MNDA: variants seen among roughly 807,000 people sequenced by gnomAD.
The protein encoded by MNDA is epididymis secretory sperm binding protein.
MNDA carries 43 observed loss-of-function variants against 37.8 expected under a neutral mutation model. The observed-to-expected ratio is 1.14, with a 90% CI of 0.89 to 1.47. MNDA has a LOEUF of 1.47. Among genes scored for constraint, MNDA ranks in the 40% most tolerant of loss-of-function variants. The pLI is 0.00. For missense variants in MNDA, 536 were observed against 476.0 expected, an observed-to-expected ratio of 1.13 and a Z score of -1.17; for synonymous variants, 181 against 169.0, an observed-to-expected ratio of 1.07 and a Z score of -0.55.
intron 3 of MNDA, 38 bp from the exon 4 acceptor site, chr1:158,843,917 A>G (rs762614658): frequency 6.5e-7 from 1 of 1,527,220 alleles, no homozygotes; most frequent in South Asian, 1.3e-5. Context: ...TTCTTTTGAT[A>G]CTAAACTCCA....
In MNDA at chr1:158,847,796, G is replaced by T. The variant is rs199830311; in HGVS notation, c.1056G>T (p.Gly352=). 5.6e-6 allele frequency: 9 copies of T among 1,613,956 alleles called. No individual in the cohort carries two copies. Among genetic ancestry groups the T allele is most frequent in the Non-Finnish European group, 1.7e-6 (2 of 1,179,930 alleles). Residue 352 remains glycine (G), a synonymous_variant, in exon 6 of 7, where the codon GGG becomes GGT. Transcript: ENST00000368141. ...QDNTGSMDVV[G]SGKWHNIKCE... is the part of the protein sequence containing the mutation. ...ATACAGGATCCATGGATGTAGTGGG[G>T]AGTGGAAAATGGCACAATATCAAGT...
chr1:158,838,967 T>G (rs1355434960), intron 1 of MNDA, among the ~76,000 whole-genome samples: 1 of 152,204 alleles, frequency 6.6e-6, no homozygotes, highest in Non-Finnish European at 1.5e-5. Flanking sequence ...CATTTTTTAT[T>G]AATCATTTTC....
At chr1:158,836,295 T>C (rs762105587) in intron 1 of MNDA, among the ~76,000 whole-genome samples, 3 of 152,030 alleles carry the variant, frequency 2.0e-5, no homozygotes, top group Non-Finnish European at 4.4e-5. Context: ...CTTTGAGGAA[T>C]TTTGGTCTTA....
chr1:158,843,968 C>T lies in MNDA; in HGVS notation c.416C>T (p.Pro139Leu). The T allele has an allele frequency of 6.3e-7, 1 of 1,589,422 alleles. No homozygotes were observed. Among genetic ancestry groups the T allele is most frequent in the Non-Finnish European group, 8.5e-7 (1 of 1,171,938 alleles). Residue 139 changes from proline to leucine, a missense_variant, in exon 4 of 7, where the codon CCA (proline) becomes CTA (leucine). Physicochemically the swap from Pro to Leu is moderately conservative, Grantham distance 98 (BLOSUM62 -3). Transcript: ENST00000368141. ...RIPVAQKRKT[P>L]NKEKTEAKRN... is the part of the protein sequence containing the mutation. ...AACTACTTTCAGAAAAGAAAAACTC[C>T]AAACAAAGAAAAGACTGAAGCCAAA...
At chr1:158,843,563 C>G in intron 3 of MNDA, 148 bp downstream of exon 3, 2 of 878,310 alleles carry the variant, frequency 2.3e-6, no homozygotes, top group Non-Finnish European at 3.2e-6. Context: ...AGTTAGGTAT[C>G]GTAAAAATGT....
rs1558057277 is a variant in MNDA, at chr1:158,843,960, A to C, written c.408A>C (p.Arg136Ser). ...GAAAATTAAACTACTTTCAGAAAAG[A>C]AAAACTCCAAACAAAGAAAAGACTG... ...ARGRIPVAQK[R>S]KTPNKEKTEA... is the part of the protein sequence containing the mutation. Residue 136 changes from arginine to serine, a missense_variant, in exon 4 of 7, where the codon AGA (arginine) becomes AGC (serine). Arg to Ser is a moderately radical substitution (Grantham distance 110, BLOSUM62 -1). Transcript: ENST00000368141. The C allele has an allele frequency of 1.9e-6, 3 of 1,584,108 alleles. No homozygotes were observed. Among genetic ancestry groups the C allele is most frequent in the Non-Finnish European group, 2.6e-6 (3 of 1,169,616 alleles).
intron 2 of MNDA, 86 bp downstream of exon 2, chr1:158,842,504 A>C (rs1411511583): frequency 2.1e-6 from 3 of 1,409,542 alleles, no homozygotes; most frequent in Non-Finnish European, 2.9e-6. Context: ...TAGCTGGTAC[A>C]TCCCTTTTCC....
intron 5 of MNDA, among the ~76,000 whole-genome samples, chr1:158,847,138 A>G (rs954301147): frequency 6.6e-6 from 1 of 152,200 alleles, no homozygotes. Context: ...GTGATCTAAT[A>G]AACTTTCAAG....
chr1:158,838,396 G>T (rs1306030414), intron 1 of MNDA, among the ~76,000 whole-genome samples: 1 of 152,016 alleles, frequency 6.6e-6, no homozygotes, highest in Non-Finnish European at 1.5e-5. Context: ...CACTTGAAAT[G>T]TATTGTCCCA....
chr1:158,848,126 G>C (rs1251032824), intron 6 of MNDA, among the ~76,000 whole-genome samples: 1 of 152,174 alleles, frequency 6.6e-6, no homozygotes, highest in African/African-American at 2.4e-5. Flanking sequence ...TACAATACTA[G>C]TGTTAATTGA....
intron 1 of MNDA, among the ~76,000 whole-genome samples, chr1:158,837,079 G>T (rs867053597): frequency 6.6e-6 from 1 of 151,548 alleles, no homozygotes; most frequent in East Asian, 1.9e-4. Flanking sequence ...GATTTCAAAC[G>T]TTTAACATTT....
chr1:158,831,685 T>G (rs1658805956), intron 1 of MNDA, 128 bp downstream of exon 1: 1 of 152,198 alleles, frequency 6.6e-6, no homozygotes, highest in Non-Finnish European at 1.5e-5. Flanking sequence ...AACTGAGAAC[T>G]GAATGCTTTA....
At chr1:158,837,288 T>C (rs1018424997) in intron 1 of MNDA, among the ~76,000 whole-genome samples, 5 of 151,862 alleles carry the variant, frequency 3.3e-5, no homozygotes, top group Non-Finnish European at 7.4e-5. Context: ...TTGTTCTACC[T>C]ATTATTGAAA....
chr1:158,832,116 C>G (rs955922340), intron 1 of MNDA, among the ~76,000 whole-genome samples: 2 of 152,036 alleles, frequency 1.3e-5, no homozygotes, highest in Admixed American at 6.6e-5. Context: ...AGAAATAATT[C>G]TCTTTTTCAA....
intron 2 of MNDA, 147 bp from the exon 3 acceptor site, chr1:158,843,132 C>T: frequency 1.1e-6 from 1 of 934,486 alleles, no homozygotes; most frequent in South Asian, 1.9e-5. Flanking sequence ...TCCTAGGAGC[C>T]AGGCTGGGTT....
chr1:158,833,813 T>C (rs1658853643), intron 1 of MNDA, among the ~76,000 whole-genome samples: 1 of 152,226 alleles, frequency 6.6e-6, no homozygotes, highest in Non-Finnish European at 1.5e-5. Flanking sequence ...AATGAACATA[T>C]ATGTACATGC....
Position 158,849,456 on chromosome 1 carries a change from T to C in MNDA, c.*219T>C, listed in dbSNP as rs1358120661. 2 of 471,526 alleles carry C rather than the reference T, an allele frequency of 4.2e-6. No homozygotes were observed. The highest frequency in any genetic ancestry group is 7.2e-5 in the East Asian group (2 of 27,646). The allele number at this position is 471,526 out of a possible 1,614,324, so 29.2% of individuals were successfully genotyped here. On this transcript the variant is annotated 3_prime_UTR_variant, in exon 7 of 7. Transcript: ENST00000368141. ...TTTTTTTTAGATATTACATTTTGCT[T>C]TTATGACATTCACGAGGCAAAAAAT...
intron 1 of MNDA, among the ~76,000 whole-genome samples, chr1:158,834,713 G>A (rs547851849): frequency 6.6e-6 from 1 of 152,200 alleles, no homozygotes; most frequent in East Asian, 1.9e-4. Flanking sequence ...CCAATGTCAT[G>A]GAGCCTTTCC....
At chr1:158,834,222 C>A (rs1658862236) in intron 1 of MNDA, among the ~76,000 whole-genome samples, 1 of 148,288 alleles carries the variant, frequency 6.7e-6, no homozygotes, top group South Asian at 2.1e-4. Flanking sequence ...CTATTCAAGT[C>A]CTTTATCAAT....
Sources: allele counts gnomAD v4.1 joint callset (sites outside exome capture counted in the v4.1 genomes callset), GRCh38; gene constraint gnomAD v4.1.1; transcripts MANE v1.5; gene names NCBI Gene and HGNC (gene_info 2026-07-23, HGNC 2026-07-21).